IGSF21: variants seen among roughly 807,000 people sequenced by gnomAD.
IGSF21 encodes immunoglobulin superfamily member 21.
A neutral mutation model predicts 46.8 loss-of-function variants in IGSF21; 28 were observed. The ratio of observed to expected loss-of-function variants is 0.60; its 90% CI spans 0.44 to 0.82. IGSF21 has a LOEUF of 0.82. Among genes scored for constraint, IGSF21 ranks in the 40% least tolerant of loss-of-function variants. IGSF21 has a pLI of 0.00. For synonymous variants in IGSF21, 284 were observed against 273.6 expected, an observed-to-expected ratio of 1.04 and a Z score of -0.38; for missense variants, 624 against 665.5, an observed-to-expected ratio of 0.94 and a Z score of 0.69.
At chr1:18,312,768 C>A (rs2085501624) in intron 3 of IGSF21, among the ~76,000 whole-genome samples, 1 of 152,310 alleles carries the variant, frequency 6.6e-6, no homozygotes, top group Admixed American at 6.5e-5. Context: ...CTGCAAAGCC[C>A]CTTCTGCCAC....
At chr1:18,260,376 G>A (rs1304593855) in intron 2 of IGSF21, among the ~76,000 whole-genome samples, 1 of 152,252 alleles carries the variant, frequency 6.6e-6, no homozygotes, top group Non-Finnish European at 1.5e-5. Context: ...TAGCCCGGGA[G>A]GGTTCTTGGC....
chr1:18,175,622 C>G (rs2086787982), intron 1 of IGSF21, among the ~76,000 whole-genome samples: 1 of 152,098 alleles, frequency 6.6e-6, no homozygotes, highest in Non-Finnish European at 1.5e-5. Context: ...CGGGGGCTCC[C>G]TTCCTCTGTC....
At chr1:18,340,768 T>C (rs544515582) in intron 4 of IGSF21, among the ~76,000 whole-genome samples, 130 of 152,246 alleles carry the variant, frequency 8.5e-4, no homozygotes, top group African/African-American at 3.0e-3. Context: ...CTGGCAATCC[T>C]TGGAGTTCCC....
chr1:18,283,326 T>A (rs973763856), intron 2 of IGSF21, among the ~76,000 whole-genome samples: 20 of 152,364 alleles, frequency 1.3e-4, no homozygotes, highest in African/African-American at 4.8e-4. Context: ...GAGCAGGGAC[T>A]GCCCAGAGAG....
intron 6 of IGSF21, among the ~76,000 whole-genome samples, chr1:18,373,216 G>T (rs1038948109): frequency 1.6e-4 from 24 of 152,182 alleles, no homozygotes; most frequent in African/African-American, 5.5e-4. Context: ...AAGTCATGCA[G>T]CCAGAAAGTA....
intron 2 of IGSF21, among the ~76,000 whole-genome samples, chr1:18,243,323 G>A (rs563811284): frequency 1.1e-4 from 16 of 152,108 alleles, no homozygotes; most frequent in Admixed American, 3.9e-4. Context: ...ACCAGTTTCC[G>A]AAGCGAAAAA....
intron 1 of IGSF21, among the ~76,000 whole-genome samples, chr1:18,156,055 G>A (rs983992731): frequency 3.3e-5 from 5 of 152,316 alleles, no homozygotes; most frequent in Admixed American, 1.3e-4. Flanking sequence ...AGCTAATCCC[G>A]GTAAGTGGGC....
intron 3 of IGSF21, among the ~76,000 whole-genome samples, chr1:18,308,128 G>T (rs925220816): frequency 6.6e-6 from 1 of 152,092 alleles, no homozygotes; most frequent in Admixed American, 6.5e-5. Flanking sequence ...GGAGGGAGGG[G>T]CCATGTCCAC....
chr1:18,239,500 A>G (rs2084705064), intron 2 of IGSF21, among the ~76,000 whole-genome samples: 1 of 152,142 alleles, frequency 6.6e-6, no homozygotes, highest in Admixed American at 6.5e-5. Flanking sequence ...GACCAAGTTC[A>G]AGGTCATTGG....
chr1:18,362,038 C>T, intron 4 of IGSF21, 77 bp from the exon 5 acceptor site: 3 of 1,039,742 alleles, frequency 2.9e-6, no homozygotes, highest in Middle Eastern at 2.0e-4. Context: ...TGGACGTGGC[C>T]CATCTTAGGT....
intron 1 of IGSF21, among the ~76,000 whole-genome samples, chr1:18,132,011 T>C (rs1450019439): frequency 2.0e-5 from 3 of 152,214 alleles, no homozygotes; most frequent in Non-Finnish European, 2.9e-5. Context: ...ATCTCTACTT[T>C]AATAAATACC....
At chr1:18,200,884 C>G (rs887969794) in intron 1 of IGSF21, among the ~76,000 whole-genome samples, 1 of 152,108 alleles carries the variant, frequency 6.6e-6, no homozygotes, top group Non-Finnish European at 1.5e-5. Flanking sequence ...TACCCCAGCC[C>G]CATGAGGAGG....
At chr1:18,268,538 T>C (rs1258900633) in intron 2 of IGSF21, among the ~76,000 whole-genome samples, 1 of 152,166 alleles carries the variant, frequency 6.6e-6, no homozygotes, top group African/African-American at 2.4e-5. Flanking sequence ...CAAGCTTACA[T>C]GTGATATGTC....
intron 1 of IGSF21, among the ~76,000 whole-genome samples, chr1:18,221,949 C>G (rs564848291): frequency 3.3e-5 from 5 of 152,250 alleles, no homozygotes; most frequent in Admixed American, 2.0e-4. Context: ...AGCAGGAAGA[C>G]CCCCAAAATC....
At chr1:18,350,723 C>T (rs561350861) in intron 4 of IGSF21, among the ~76,000 whole-genome samples, 1 of 152,178 alleles carries the variant, frequency 6.6e-6, no homozygotes, top group East Asian at 1.9e-4. Context: ...CACCTCATCT[C>T]CCCTGGAAAT....
At chr1:18,238,718 A>G (rs753469181) in intron 2 of IGSF21, among the ~76,000 whole-genome samples, 1 of 152,106 alleles carries the variant, frequency 6.6e-6, no homozygotes, top group Non-Finnish European at 1.5e-5. Context: ...CCCACACTGC[A>G]TGGGTGAGAA....
intron 2 of IGSF21, among the ~76,000 whole-genome samples, chr1:18,285,551 G>A (rs1207623001): frequency 6.6e-6 from 1 of 152,154 alleles, no homozygotes; most frequent in African/African-American, 2.4e-5. Context: ...TAGGGAAACT[G>A]GGTCCCAGAG....
intron 1 of IGSF21, among the ~76,000 whole-genome samples, chr1:18,146,631 G>A (rs72655120): frequency 0.013 from 1,980 of 152,242 alleles, 15 homozygotes; most frequent in Non-Finnish European, 0.019. Flanking sequence ...GAGGAACTGA[G>A]CGTTCAGCCT....
chr1:18,353,812 G>C (rs2085986165), intron 4 of IGSF21, among the ~76,000 whole-genome samples: 1 of 152,224 alleles, frequency 6.6e-6, no homozygotes, highest in Non-Finnish European at 1.5e-5. Context: ...GGTGATGGGA[G>C]GGTAAGTATT....
Sources: allele counts gnomAD v4.1 joint callset (sites outside exome capture counted in the v4.1 genomes callset), GRCh38; gene constraint gnomAD v4.1.1; transcripts MANE v1.5; gene names NCBI Gene and HGNC (gene_info 2026-07-23, HGNC 2026-07-21).